RGS20: variants seen among roughly 807,000 people sequenced by gnomAD.
RGS20 encodes the protein gz-selective GTPase-activating protein.
In RGS20, 30 loss-of-function variants were observed where a neutral mutation model predicts 33.6. That is an observed-to-expected ratio of 0.89 (90% CI 0.67 to 1.21). The LOEUF (loss-of-function observed/expected upper bound fraction) is 1.21. RGS20 is among the 50% of genes most tolerant of loss of function. RGS20 has a pLI of 0.00. For synonymous variants in RGS20, 208 were observed against 197.9 expected (o/e 1.05, Z -0.43); for missense variants, 472 against 502.4 (o/e 0.94, Z 0.58).
intron 2 of RGS20, among the ~76,000 whole-genome samples, chr8:53,924,672 T>G (rs920296299): frequency 3.3e-5 from 5 of 152,172 alleles, no homozygotes; most frequent in Non-Finnish European, 7.4e-5. Flanking sequence ...TTGTTGATCT[T>G]TTTTCTGTCC....
At chr8:53,909,401 C>T (rs1425036421) in intron 2 of RGS20, among the ~76,000 whole-genome samples, 1 of 151,350 alleles carries the variant, frequency 6.6e-6, no homozygotes, top group Non-Finnish European at 1.5e-5. Context: ...AGGCCCGCAC[C>T]ACCATATATG....
chr8:53,880,913 A>T, intron 2 of RGS20: 1 of 1,538,548 alleles, frequency 6.5e-7, no homozygotes, highest in South Asian at 1.2e-5. Context: ...GGGCTAGAGC[A>T]AAGACCGAGA....
At position 53,876,763 on chromosome 8, in the gene RGS20, G is replaced by C. The variant is rs183636256; in HGVS notation, c.166-2495G>C. The C allele has an allele frequency of 6.6e-5, 10 of 152,476 alleles. No homozygotes were observed. In the East Asian group the frequency reaches 1.9e-3, roughly 29 times the overall value. 9.4% of individuals were successfully genotyped at this position (152,476 alleles called of 1,614,324 possible). On this transcript the variant is annotated intron_variant, in intron 1 of 5. Coordinates refer to ENST00000297313, the MANE Select transcript of RGS20 (RefSeq NM_170587.4). ...GTGGCTTCAGAGTAGCAGGGGAGCA[G>C]GCGGCTGATCCGGAGGCCAGTGTGG...
At chr8:53,916,185 G>T (rs1813478436) in intron 2 of RGS20, among the ~76,000 whole-genome samples, 1 of 152,068 alleles carries the variant, frequency 6.6e-6, no homozygotes, top group South Asian at 2.1e-4. Context: ...ACAAAGTCCG[G>T]CTAATTTTTT....
At chr8:53,949,898 G>A (rs1814661019) in intron 4 of RGS20, among the ~76,000 whole-genome samples, 1 of 149,292 alleles carries the variant, frequency 6.7e-6, no homozygotes, top group Non-Finnish European at 1.5e-5. Context: ...GGAGTACAGT[G>A]GTGCAATCTT....
At chr8:53,899,606 G>A (rs1812956551) in intron 2 of RGS20, among the ~76,000 whole-genome samples, 1 of 152,136 alleles carries the variant, frequency 6.6e-6, no homozygotes. Flanking sequence ...CAGCCACTGA[G>A]CTACTTTCTG....
chr8:53,860,425 A>T (rs1329700588), intron 1 of RGS20, among the ~76,000 whole-genome samples: 1 of 152,258 alleles, frequency 6.6e-6, no homozygotes, highest in Non-Finnish European at 1.5e-5. Flanking sequence ...ACTGGAAATG[A>T]ACTAAAATAT....
intron 2 of RGS20, among the ~76,000 whole-genome samples, chr8:53,888,353 A>C (rs935465920): frequency 4.6e-5 from 7 of 152,200 alleles, no homozygotes; most frequent in Non-Finnish European, 8.8e-5. Flanking sequence ...TTTTAACTTC[A>C]TTTACTTGAG....
intron 1 of RGS20, among the ~76,000 whole-genome samples, chr8:53,860,134 A>G (rs544055755): frequency 9.9e-5 from 15 of 152,228 alleles, no homozygotes; most frequent in Non-Finnish European, 1.6e-4. Context: ...CAGCTCCTGC[A>G]TTTCAAATGA....
At chr8:53,882,408 A>T (rs1380948097) in intron 2 of RGS20, among the ~76,000 whole-genome samples, 2 of 152,086 alleles carry the variant, frequency 1.3e-5, no homozygotes, top group Non-Finnish European at 2.9e-5. Context: ...CCCCAGCAGC[A>T]GGGACGCGGC....
chr8:53,928,331 A>G (rs1813860133), intron 2 of RGS20, among the ~76,000 whole-genome samples: 1 of 152,226 alleles, frequency 6.6e-6, no homozygotes, highest in Non-Finnish European at 1.5e-5. Context: ...TTTAGCAAGG[A>G]AGTGAAAGCC....
chr8:53,954,540 T>G (rs1409713541), intron 5 of RGS20, among the ~76,000 whole-genome samples: 1 of 151,770 alleles, frequency 6.6e-6, no homozygotes, highest in Non-Finnish European at 1.5e-5. Context: ...CATGGGCGCC[T>G]GTAATCCCAG....
At position 53,879,298 on chromosome 8, in the gene RGS20, C is replaced by G. The variant is rs759109822; in HGVS notation, c.206C>G (p.Pro69Arg). 6.2e-7 allele frequency: 1 copy of G among 1,613,768 alleles called. No homozygotes were observed. ...CAGCTCCCAGACTCGCCCGCCGCCC[C>G]GAAGCTGTTCGGCCTCCTTTCTAGC... The change falls in exon 2 of 6, where the codon CCG becomes CGG. Residue 69 changes from proline (P) to arginine (R), a missense_variant. Pro to Arg is a moderately radical substitution (Grantham distance 103). Coordinates refer to ENST00000297313, the MANE Select transcript of RGS20 (RefSeq NM_170587.4).
At chr8:53,947,315 ATATAT>A (rs1277943408) in intron 4 of RGS20, among the ~76,000 whole-genome samples, 1 of 140,926 alleles carries the variant, frequency 7.1e-6, no homozygotes, top group Non-Finnish European at 1.5e-5. Context: ...GATATAGTAT[ATATAT>A]TATATATGCT....
At chr8:53,878,801 AGG>A (rs1170616586) in intron 1 of RGS20, among the ~76,000 whole-genome samples, 1 of 152,196 alleles carries the variant, frequency 6.6e-6, no homozygotes, top group African/African-American at 2.4e-5. Context: ...GGGAAAGGGC[AGG>A]GGGAACAAGG....
Position 53,912,970 on chromosome 8 carries a change from A to AT in RGS20, c.511-26593dup, listed in dbSNP as rs200034042. On this transcript the variant is annotated intron_variant, in intron 2 of 5. Coordinates refer to ENST00000297313, the MANE Select transcript of RGS20 (RefSeq NM_170587.4). ...TATGTGTTTCAATGCACTGCAATTG[A>AT]TTTTTTTTTTTTTGAGGCAGAGTCT... Among the ~76,000 whole-genome samples the AT allele has an allele frequency of 7.7e-3, 1,116 of 145,702 alleles. 4 individuals are homozygous for AT. Among genetic ancestry groups the AT allele is most frequent in the African/African-American group, 0.014 (542 of 39,920 alleles).
chr8:53,866,261 A>G (rs1284341988), intron 1 of RGS20, among the ~76,000 whole-genome samples: 1 of 152,218 alleles, frequency 6.6e-6, no homozygotes, highest in Non-Finnish European at 1.5e-5. Context: ...ATGGGTAGAC[A>G]GAGTACACAT....
intron 2 of RGS20, among the ~76,000 whole-genome samples, chr8:53,904,627 A>T (rs1395756627): frequency 2.0e-5 from 3 of 152,204 alleles, no homozygotes; most frequent in Non-Finnish European, 4.4e-5. Context: ...AGAGTCCCTA[A>T]AGCAGCCCCA....
chr8:53,947,071 TAA>T (rs1051331193), intron 4 of RGS20, among the ~76,000 whole-genome samples: 132 of 147,366 alleles, frequency 9.0e-4, no homozygotes, highest in African/African-American at 3.0e-3. Context: ...TAATTTTATA[TAA>T]GATATAGCAT....
Sources: gnomAD v4.1 joint callset for allele counts (sites outside exome capture counted in the v4.1 genomes callset) on GRCh38, gnomAD v4.1.1 for gene constraint, MANE v1.5 for transcripts, NCBI Gene and HGNC (gene_info 2026-07-23, HGNC 2026-07-21) for gene names.